Variants in RMST observed in about 807,000 individuals in gnomAD.
RMST encodes long intergenic non-protein coding RNA 54.
At chr12:97,469,800 C>T (rs10860215) in intron 5 of RMST, among the ~76,000 whole-genome samples, 25,293 of 151,978 alleles carry the variant, frequency 0.17, 2,221 homozygotes, top group African/African-American at 0.22. Flanking sequence ...CCCAAGTCAA[C>T]GTCCTTAGAA....
At chr12:97,562,359 A>G (rs1029651969) in intron 13 of RMST, among the ~76,000 whole-genome samples, 2 of 152,148 alleles carry the variant, frequency 1.3e-5, no homozygotes, top group African/African-American at 4.8e-5. Context: ...TGAGCTGGCT[A>G]AGAAACAGTG....
chr12:97,539,250 C>T (rs948249920), intron 11 of RMST, among the ~76,000 whole-genome samples: 2 of 151,448 alleles, frequency 1.3e-5, no homozygotes, highest in African/African-American at 4.8e-5. Context: ...TGTAAAATTC[C>T]TTAATTCTTG....
intron 11 of RMST, among the ~76,000 whole-genome samples, chr12:97,558,871 G>T (rs148565010): frequency 6.6e-6 from 1 of 152,142 alleles, no homozygotes; most frequent in African/African-American, 2.4e-5. Context: ...GTTCCCAGGC[G>T]TAACAGAAGG....
At chr12:97,532,609 G>C (rs1249783795) in intron 11 of RMST, 1 of 143,610 alleles carries the variant, frequency 7.0e-6, no homozygotes, top group Non-Finnish European at 1.5e-5. Flanking sequence ...GTGAGGATTA[G>C]AAAGTGCCCA....
chr12:97,531,254 G>C (rs180974997), intron 11 of RMST, among the ~76,000 whole-genome samples: 1 of 151,312 alleles, frequency 6.6e-6, no homozygotes, highest in Non-Finnish European at 1.5e-5. Context: ...TCTAGGAAAG[G>C]AAAAAAAAGC....
chr12:97,515,551 A>G (rs959674120), intron 10 of RMST, among the ~76,000 whole-genome samples: 14 of 152,050 alleles, frequency 9.2e-5, no homozygotes, highest in Non-Finnish European at 1.9e-4. Context: ...TCACCTTAGC[A>G]TTGTACCAAA....
intron 11 of RMST, among the ~76,000 whole-genome samples, chr12:97,538,210 G>C (rs1211185829): frequency 6.6e-6 from 1 of 151,330 alleles, no homozygotes; most frequent in East Asian, 1.9e-4. Flanking sequence ...CAATTCACAG[G>C]ACTGAAAGGT....
chr12:97,556,881 G>A (rs1012991183), intron 11 of RMST, among the ~76,000 whole-genome samples: 2 of 152,134 alleles, frequency 1.3e-5, no homozygotes, highest in Non-Finnish European at 2.9e-5. Flanking sequence ...TTAGAAAATA[G>A]ACTTGGGAAA....
rs1462107324 is a variant in RMST, at chr12:97,513,651, C to T, written n.1341-17004C>T. ...TTACCTATATAGACGCAGTTTCCAA[C>T]TACAGTAAATTAGAACTGCAATGAG... On this transcript the variant is annotated intron_variant and non_coding_transcript_variant, in intron 10 of 13. Coordinates refer to ENST00000640149, the Ensembl canonical transcript of RMST. 2.2e-4 allele frequency among the ~76,000 whole-genome samples: 34 copies of T among 152,160 alleles called. 1 individual carries two copies. The highest frequency in any genetic ancestry group is 2.2e-3 in the Admixed American group (34 of 15,276).
intron 11 of RMST, among the ~76,000 whole-genome samples, chr12:97,536,953 G>A (rs1312896088): frequency 6.6e-6 from 1 of 151,374 alleles, no homozygotes; most frequent in Admixed American, 6.6e-5. Flanking sequence ...TAATCAAAAT[G>A]ATCAGTTTGG....
chr12:97,502,223 G>A (rs1318126788), intron 10 of RMST, among the ~76,000 whole-genome samples: 1 of 152,140 alleles, frequency 6.6e-6, no homozygotes, highest in African/African-American at 2.4e-5. Flanking sequence ...AAATGAAACT[G>A]CTTCATTCTT....
At chr12:97,486,165 C>G (rs754648290) in intron 5 of RMST, among the ~76,000 whole-genome samples, 2 of 152,096 alleles carry the variant, frequency 1.3e-5, no homozygotes, top group Non-Finnish European at 2.9e-5. Flanking sequence ...TCTCCATTTA[C>G]CTTGGATACA....
At chr12:97,501,888 A>C (rs779697483) in intron 10 of RMST, among the ~76,000 whole-genome samples, 2 of 152,228 alleles carry the variant, frequency 1.3e-5, no homozygotes, top group Non-Finnish European at 2.9e-5. Context: ...TATATGCCAG[A>C]TTTCAAGACA....
At chr12:97,555,317 A>T (rs1413445941) in intron 11 of RMST, among the ~76,000 whole-genome samples, 1 of 152,096 alleles carries the variant, frequency 6.6e-6, no homozygotes, top group Non-Finnish European at 1.5e-5. Context: ...TTTCCTGTGG[A>T]TTTCCTTCTT....
chr12:97,510,094 C>T (rs142732997), intron 10 of RMST, among the ~76,000 whole-genome samples: 1 of 152,046 alleles, frequency 6.6e-6, no homozygotes, highest in African/African-American at 2.4e-5. Flanking sequence ...CATTTATACT[C>T]TGAGATTTAT....
intron 10 of RMST, among the ~76,000 whole-genome samples, chr12:97,519,128 A>G (rs992789432): frequency 2.0e-5 from 3 of 152,174 alleles, no homozygotes; most frequent in African/African-American, 7.2e-5. Flanking sequence ...CTCAATGGTC[A>G]ACTTCTGCAT....
chr12:97,520,347 A>G (rs1259729556), intron 10 of RMST, among the ~76,000 whole-genome samples: 3 of 152,034 alleles, frequency 2.0e-5, no homozygotes, highest in South Asian at 4.2e-4. Context: ...GTTTTAGTCA[A>G]CCTTTCTTAT....
intron 11 of RMST, among the ~76,000 whole-genome samples, chr12:97,536,213 GA>G (rs977697059): frequency 1.1e-4 from 16 of 150,784 alleles, no homozygotes; most frequent in African/African-American, 3.9e-4. Flanking sequence ...GCATTTAAAG[GA>G]ATATGTGGAA....
chr12:97,521,930 T>G, intron 10 of RMST, among the ~76,000 whole-genome samples: 1 of 152,188 alleles, frequency 6.6e-6, no homozygotes. Context: ...TTAGATTCCC[T>G]GATTTTGTTT....
Sources: allele counts gnomAD v4.1 joint callset (sites outside exome capture counted in the v4.1 genomes callset), GRCh38; gene constraint gnomAD v4.1.1; transcripts MANE v1.5; gene names NCBI Gene and HGNC (gene_info 2026-07-23, HGNC 2026-07-21).